Variants in MOB3B observed in about 807,000 individuals in gnomAD.
The protein encoded by MOB3B is MOB kinase activator-like 2B.
Under a neutral mutation model 18.7 loss-of-function variants are expected in MOB3B, and 7 were observed. The ratio of observed to expected loss-of-function variants is 0.37; its 90% confidence interval spans 0.21 to 0.70. The LOEUF (loss-of-function observed/expected upper bound fraction) is 0.70, where lower values mean the gene tolerates loss of function less well. Ranked by LOEUF, MOB3B falls within the 30% of genes least tolerant of loss-of-function variation. The pLI, the probability that MOB3B is intolerant of heterozygous loss-of-function variation, is 0.52. For synonymous variants in MOB3B, 111 were observed against 99.9 expected (o/e 1.11, Z -0.66); for missense variants, 253 against 281.3 (o/e 0.90, Z 0.72).
At chr9:27,418,789 A>C (rs1466544258) in intron 2 of MOB3B, among the ~76,000 whole-genome samples, 1 of 152,090 alleles carries the variant, frequency 6.6e-6, no homozygotes, top group Non-Finnish European at 1.5e-5. Context: ...AAGAATGCCC[A>C]CTCTCACCAC....
chr9:27,504,833 A>C lies in MOB3B; in HGVS notation c.-199+24722T>G, dbSNP rs118019590. Among the ~76,000 whole-genome samples the C allele has an allele frequency of 4.6e-3, 694 of 152,310 alleles. 4 individuals are homozygous for C. The highest frequency in any genetic ancestry group is 4.9e-3 in the Non-Finnish European group (334 of 68,026). ...ACAGTTTGGAGGTCAGGAGTCTAAA[A>C]TGGGTGGCAAGGCTGTGTTACTGCT... is the stretch of plus-strand genomic sequence containing the variant. On this transcript the variant is annotated intron_variant, in intron 1 of 3. Transcript: ENST00000262244.
At chr9:27,464,670 A>T (rs576479942) in intron 1 of MOB3B, among the ~76,000 whole-genome samples, 151 of 152,324 alleles carry the variant, frequency 9.9e-4, no homozygotes, top group Non-Finnish European at 1.6e-3. Context: ...GCTGATAAAG[A>T]CATACCTGAA....
intron 1 of MOB3B, among the ~76,000 whole-genome samples, chr9:27,456,283 A>G (rs190872345): frequency 1.3e-5 from 2 of 152,264 alleles, no homozygotes; most frequent in Admixed American, 1.3e-4. Flanking sequence ...AGTGATGAAA[A>G]CTGGGTCTGG....
intron 1 of MOB3B, among the ~76,000 whole-genome samples, chr9:27,473,385 CG>C (rs1819503541): frequency 1.3e-5 from 2 of 151,818 alleles, no homozygotes; most frequent in Non-Finnish European, 2.9e-5. Flanking sequence ...TGGAGAGCCA[CG>C]CTCCTAGAGC....
intron 2 of MOB3B, among the ~76,000 whole-genome samples, chr9:27,385,075 C>T (rs999706697): frequency 2.0e-5 from 3 of 152,140 alleles, no homozygotes; most frequent in African/African-American, 4.8e-5. Context: ...GTTTAATTAT[C>T]GTTGCATGGC....
chr9:27,353,410 C>T (rs1156930448), intron 3 of MOB3B, among the ~76,000 whole-genome samples: 1 of 152,116 alleles, frequency 6.6e-6, no homozygotes, highest in African/African-American at 2.4e-5. Flanking sequence ...GAAGTACTTC[C>T]TCCAGGAGAT....
intron 2 of MOB3B, among the ~76,000 whole-genome samples, chr9:27,373,259 G>A (rs903968566): frequency 6.6e-6 from 1 of 152,222 alleles, no homozygotes; most frequent in Admixed American, 6.5e-5. Context: ...TCATGACTGT[G>A]AAGCTGGCCC....
intron 2 of MOB3B, among the ~76,000 whole-genome samples, chr9:27,424,043 T>C (rs187316574): frequency 6.6e-6 from 1 of 152,356 alleles, no homozygotes. Flanking sequence ...GTCTGTGCCC[T>C]TAGTCTCAAG....
At chr9:27,479,228 A>G (rs1211165314) in intron 1 of MOB3B, among the ~76,000 whole-genome samples, 1 of 151,888 alleles carries the variant, frequency 6.6e-6, no homozygotes, top group Non-Finnish European at 1.5e-5. Context: ...CATATGGGCA[A>G]GAGAGAGAGA....
chr9:27,509,897 G>A (rs1471510573), intron 1 of MOB3B, among the ~76,000 whole-genome samples: 2 of 152,080 alleles, frequency 1.3e-5, no homozygotes, highest in Non-Finnish European at 2.9e-5. Context: ...GCTAATTTTT[G>A]TATTTTTAGT....
intron 1 of MOB3B, chr9:27,524,360 T>C: frequency 4.3e-6 from 7 of 1,612,936 alleles, no homozygotes; most frequent in Non-Finnish European, 5.9e-6. Context: ...CTGATATGAT[T>C]CAAAAGTGTT....
chr9:27,328,061 CTT>C lies in MOB3B; in HGVS notation c.*2524_*2525del, dbSNP rs1277308646. On this transcript the variant is annotated 3_prime_UTR_variant, in exon 4 of 4. Coordinates refer to ENST00000262244, the MANE Select transcript of MOB3B (RefSeq NM_024761.5). ...GGTAAAATAGGGAGAGACCCCTTCTCTTAAAAAAAAAAAAGGAAGAAAAGAAA... is the reference window on the plus strand; with the variant it reads ...GGTAAAATAGGGAGAGACCCCTTCTCAAAAAAAAAAAAGGAAGAAAAGAAA... The C allele has an allele frequency of 1.4e-5, 2 of 141,080 alleles. No homozygotes were observed. The highest frequency in any genetic ancestry group is 4.1e-4 in the East Asian group (2 of 4,872). 8.7% of individuals were successfully genotyped at this position (141,080 alleles called of 1,614,324 possible).
At chr9:27,357,886 T>TCCAA (rs1563849115) in intron 3 of MOB3B, among the ~76,000 whole-genome samples, 1 of 25,316 alleles carries the variant, frequency 4.0e-5, no homozygotes, top group African/African-American at 1.5e-4. Context: ...ATCCCATCGC[T>TCCAA]ACAAAAAAAA....
chr9:27,509,947 A>G (rs2477521), intron 1 of MOB3B, among the ~76,000 whole-genome samples: 39,617 of 152,106 alleles, frequency 0.26, 5,310 homozygotes, highest in East Asian at 0.34. Flanking sequence ...CTGGTCTCGA[A>G]GTCCTGACCT....
chr9:27,382,302 A>T (rs1821589880), intron 2 of MOB3B, among the ~76,000 whole-genome samples: 1 of 152,178 alleles, frequency 6.6e-6, no homozygotes, highest in Non-Finnish European at 1.5e-5. Context: ...TGGAACAACC[A>T]CTGCTTCAGA....
intron 2 of MOB3B, among the ~76,000 whole-genome samples, chr9:27,436,134 T>G (rs1428946007): frequency 6.6e-6 from 1 of 152,212 alleles, no homozygotes; most frequent in African/African-American, 2.4e-5. Context: ...ACCCTTCTGG[T>G]CTCACCTAAA....
chr9:27,429,033 T>C (rs1323720111), intron 2 of MOB3B, among the ~76,000 whole-genome samples: 1 of 152,232 alleles, frequency 6.6e-6, no homozygotes, highest in Non-Finnish European at 1.5e-5. Context: ...TCATACATAC[T>C]TTAGAAATTC....
At chr9:27,448,483 G>C (rs565264681) in intron 2 of MOB3B, among the ~76,000 whole-genome samples, 1 of 152,164 alleles carries the variant, frequency 6.6e-6, no homozygotes, top group Non-Finnish European at 1.5e-5. Context: ...GAGAGAATGA[G>C]AACCAAGTGA....
chr9:27,384,518 A>G (rs1241775563), intron 2 of MOB3B, among the ~76,000 whole-genome samples: 1 of 152,218 alleles, frequency 6.6e-6, no homozygotes. Flanking sequence ...GCCATTTGAC[A>G]GCAAAATCAT....
Sources: gnomAD v4.1 joint callset for allele counts (sites outside exome capture counted in the v4.1 genomes callset) on GRCh38, gnomAD v4.1.1 for gene constraint, MANE v1.5 for transcripts, NCBI Gene and HGNC (gene_info 2026-07-23, HGNC 2026-07-21) for gene names.